Variants in CELF2 observed in about 807,000 individuals in gnomAD.
CELF2 encodes the protein CUG triplet repeat RNA-binding protein 2.
Under a neutral mutation model 62.6 loss-of-function variants are expected in CELF2, and 8 were observed. That is an observed-to-expected ratio of 0.13 (90% CI 0.07 to 0.23). CELF2 has a LOEUF of 0.23. CELF2 is among the 10% of genes least tolerant of loss of function. The pLI is 1.00. For synonymous variants in CELF2, 258 were observed against 250.0 expected (o/e 1.03, Z -0.30); for missense variants, 333 against 671.0 (o/e 0.50, Z 5.56).
At chr10:10,524,445 G>A in the CELF2 span, among the ~76,000 whole-genome samples, 3 of 150,600 alleles carry the variant, frequency 2.0e-5, no homozygotes, top group African/African-American at 7.4e-5. Flanking sequence ...CTCTGAATAA[G>A]CATGCAGTCA....
the CELF2 span, among the ~76,000 whole-genome samples, chr10:10,466,646 T>C: frequency 6.6e-6 from 1 of 152,138 alleles, no homozygotes; most frequent in Non-Finnish European, 1.5e-5. Flanking sequence ...AAAGTGGCTG[T>C]AACATTTGAT....
intron 8 of CELF2, among the ~76,000 whole-genome samples, chr10:11,286,569 T>C (rs1189383049): frequency 6.6e-6 from 1 of 152,250 alleles, no homozygotes; most frequent in Non-Finnish European, 1.5e-5. Context: ...GGGGCCATGT[T>C]GGTCTGCAGT....
At chr10:10,684,358 C>T in the CELF2 span, among the ~76,000 whole-genome samples, 4 of 152,176 alleles carry the variant, frequency 2.6e-5, no homozygotes, top group African/African-American at 9.7e-5. Context: ...GTCCCGCCTT[C>T]TTACCAGACA....
In CELF2 at chr10:10,947,121, T is replaced by C. The variant is rs1352472880; in HGVS notation, c.89+27122T>C. 5 of 152,262 alleles carry C rather than the reference T, an allele frequency of 3.3e-5. No individual in the cohort carries two copies. The highest frequency in any genetic ancestry group is 1.2e-4 in the African/African-American group (5 of 41,478). 9.4% of individuals were successfully genotyped at this position (152,262 alleles called of 1,614,324 possible). On this transcript the variant is annotated intron_variant, in intron 2 of 13. Transcript: ENST00000636488. The surrounding 1 kb of genome is among the most constrained non-coding windows in gnomAD (Gnocchi z 4.1). ...CAGGTCTGGAAGGCTTTGCTGTCCT[T>C]GCTGTGTGTAAGATCGGAGAAGGCA...
At chr10:11,129,166 A>G (rs1595825428) in intron 1 of CELF2, among the ~76,000 whole-genome samples, 1 of 152,264 alleles carries the variant, frequency 6.6e-6, no homozygotes, top group African/African-American at 2.4e-5. Flanking sequence ...TTCTGTTTAT[A>G]TGATGGATTA....
intron 1 of CELF2, among the ~76,000 whole-genome samples, chr10:10,886,097 A>G (rs1591546929): frequency 6.6e-6 from 1 of 152,234 alleles, no homozygotes; most frequent in East Asian, 1.9e-4. Context: ...TATTCTATCC[A>G]GGGTCATTTT....
the CELF2 span, among the ~76,000 whole-genome samples, chr10:10,647,285 T>C: frequency 1.8e-4 from 27 of 152,280 alleles, no homozygotes; most frequent in Non-Finnish European, 3.7e-4. Context: ...AAGAAAACTT[T>C]CTGCTCCTTG....
the CELF2 span, among the ~76,000 whole-genome samples, chr10:10,726,843 G>A: frequency 6.6e-6 from 1 of 152,192 alleles, no homozygotes. Flanking sequence ...GCCTGAGACT[G>A]GTTCATTTAT....
At chr10:10,796,992 G>A, upstream of CELF2, 1 of 585,420 alleles carries the variant, frequency 1.7e-6, no homozygotes, top group Non-Finnish European at 2.2e-6. Context: ...ATCCATGACT[G>A]CTAAAGAGAA....
chr10:11,154,232 A>C (rs2063870197), intron 1 of CELF2, among the ~76,000 whole-genome samples: 1 of 152,250 alleles, frequency 6.6e-6, no homozygotes, highest in African/African-American at 2.4e-5. Context: ...AAATAAGCAA[A>C]TTAAATATCA....
chr10:11,314,172 C>T lies in CELF2; in HGVS notation c.1010C>T (p.Ala337Val), dbSNP rs1186204848. The T allele has an allele frequency of 3.1e-6, 5 of 1,613,774 alleles. No homozygotes were observed. The highest frequency in any genetic ancestry group is 2.5e-6 in the Non-Finnish European group (3 of 1,179,822). Residue 337 changes from alanine to valine, a missense_variant, in exon 10 of 13, where the codon GCA becomes GTA. By Grantham distance (64) the Ala-to-Val change is moderately conservative. Around this residue, in one of 3 missense-constraint regions of CELF2, gnomAD observed 253 missense variants for 503.0 expected, o/e 0.50. Coordinates refer to ENST00000633077, the MANE Select transcript of CELF2 (RefSeq NM_001326342.2). The surrounding 1 kb of genome is among the most constrained non-coding windows in gnomAD (Gnocchi z 5.3). ...TCAACCCCCAACTCCACTGCTGGTG[C>T]AGCCATGAACTCCTTGACCTCTCTC... ...AASTPNSTAG[A>V]AMNSLTSLGT...
intron 2 of CELF2, among the ~76,000 whole-genome samples, chr10:10,989,022 T>G (rs1183034935): frequency 6.6e-6 from 1 of 152,150 alleles, no homozygotes; most frequent in Admixed American, 6.5e-5. Flanking sequence ...GAAAAAAATT[T>G]TAAGCAACAA....
At chr10:10,569,455 G>A in the CELF2 span, among the ~76,000 whole-genome samples, 2 of 152,020 alleles carry the variant, frequency 1.3e-5, no homozygotes, top group South Asian at 4.2e-4. Flanking sequence ...TATCTCCAAC[G>A]GGGTCCCTCC....
At chr10:11,134,309 G>A (rs1208340426) in intron 1 of CELF2, among the ~76,000 whole-genome samples, 3 of 152,222 alleles carry the variant, frequency 2.0e-5, no homozygotes, top group African/African-American at 7.2e-5. Flanking sequence ...CTACTTAGGT[G>A]AGTTTGGATT....
chr10:10,466,810 G>A, the CELF2 span, among the ~76,000 whole-genome samples: 9 of 152,082 alleles, frequency 5.9e-5, no homozygotes, highest in Non-Finnish European at 1.3e-4. Flanking sequence ...GAATAATGTG[G>A]GGCATCTTTT....
intron 2 of CELF2, among the ~76,000 whole-genome samples, chr10:11,202,684 T>C (rs983294340): frequency 1.3e-5 from 2 of 152,226 alleles, no homozygotes; most frequent in Non-Finnish European, 2.9e-5. Flanking sequence ...CTGTTTAGAC[T>C]TGCCTTAGCT....
At chr10:10,515,771 A>C in the CELF2 span, among the ~76,000 whole-genome samples, 8 of 152,248 alleles carry the variant, frequency 5.3e-5, no homozygotes, top group Admixed American at 5.2e-4. Flanking sequence ...AATTTGGGTC[A>C]GTCACTAAAC....
chr10:10,891,434 G>A (rs771870608), intron 1 of CELF2, among the ~76,000 whole-genome samples: 5 of 151,776 alleles, frequency 3.3e-5, no homozygotes, highest in African/African-American at 1.2e-4. Context: ...ATTGTCATCA[G>A]CAGCAGCAGC....
chr10:11,139,750 G>C (rs1012849688), intron 1 of CELF2, among the ~76,000 whole-genome samples: 1 of 151,692 alleles, frequency 6.6e-6, no homozygotes, highest in African/African-American at 2.4e-5. Flanking sequence ...CTTGCCTTAT[G>C]CTTCTTCTAA....
Sources: gnomAD v4.1 joint callset for allele counts (sites outside exome capture counted in the v4.1 genomes callset) on GRCh38, gnomAD v4.1.1 for gene constraint, gnomAD v4.1.1 regional missense constraint, Gnocchi (gnomAD v3.1) non-coding constraint, MANE v1.5 for transcripts, NCBI Gene and HGNC (gene_info 2026-07-23, HGNC 2026-07-21) for gene names.